Variants in SSX2IP observed in about 807,000 individuals in gnomAD.
The protein encoded by SSX2IP is afadin- and alpha-actinin-binding protein.
In SSX2IP, 55 loss-of-function variants were observed where a neutral mutation model predicts 84.9. The ratio of observed to expected loss-of-function variants is 0.65; its 90% confidence interval spans 0.52 to 0.81. The LOEUF (loss-of-function observed/expected upper bound fraction) is 0.81, where lower values mean the gene tolerates loss of function less well. Ranked by LOEUF, SSX2IP falls within the 30% of genes least tolerant of loss-of-function variation. The pLI, the probability that SSX2IP is intolerant of heterozygous loss-of-function variation, is 0.00. For missense variants in SSX2IP, 664 were observed against 705.2 expected, an observed-to-expected ratio of 0.94 and a Z score of 0.66; for synonymous variants, 239 against 234.7, an observed-to-expected ratio of 1.02 and a Z score of -0.17.
At chr1:84,682,310 G>T (rs1232767610) in intron 1 of SSX2IP, among the ~76,000 whole-genome samples, 2 of 152,026 alleles carry the variant, frequency 1.3e-5, no homozygotes, top group African/African-American at 4.8e-5. Context: ...CAGAGGCCAT[G>T]GTTCTCAGCA....
At chr1:84,670,840 T>G in intron 2 of SSX2IP, 25 bp from the exon 3 acceptor site, 1 of 1,550,072 alleles carries the variant, frequency 6.5e-7, no homozygotes, top group Non-Finnish European at 8.7e-7. Context: ...GGCATCTATA[T>G]AAATAATTTA....
At chr1:84,655,360 G>A in intron 11 of SSX2IP, 1 of 1,129,236 alleles carries the variant, frequency 8.9e-7, no homozygotes, top group Non-Finnish European at 1.1e-6. Context: ...TTTGAAGGGG[G>A]AATATGTAGA....
chr1:84,676,473 G>A (rs1654347361), intron 1 of SSX2IP, among the ~76,000 whole-genome samples: 1 of 152,008 alleles, frequency 6.6e-6, no homozygotes, highest in Non-Finnish European at 1.5e-5. Flanking sequence ...TGTCACTATG[G>A]GTTGCAAAGT....
At position 84,658,307 on chromosome 1, in the gene SSX2IP, G is replaced by C; in HGVS notation, c.1078+11C>G. On this transcript the variant is annotated intron_variant, in intron 9 of 13. Transcript: ENST00000342203. ...CACAACTCACTTTACATGCATAGAA[G>C]CAGTGGTTACCTTGGTTATCAAGCT... 6.2e-7 allele frequency: 1 copy of C among 1,613,782 alleles called. No homozygotes were observed. Among genetic ancestry groups the C allele is most frequent in the Non-Finnish European group, 8.5e-7 (1 of 1,179,868 alleles).
intron 10 of SSX2IP, 145 bp downstream of exon 10, chr1:84,656,203 C>A (rs917346541): frequency 2.1e-6 from 2 of 933,444 alleles, no homozygotes; most frequent in Admixed American, 2.8e-5. Context: ...AGGAGTGGTA[C>A]ACAATGTATC....
In SSX2IP at chr1:84,671,282, G is replaced by A; in HGVS notation, c.-63C>T. On this transcript the variant is annotated 5_prime_UTR_variant, in exon 2 of 14. Coordinates refer to ENST00000342203, the MANE Select transcript of SSX2IP (RefSeq NM_001166293.2). ...CAGCAGTTAAACATTTAGTCTAGCT[G>A]CTGTCACTCTTCTATGTAGGCATCT... 1 of 1,592,086 alleles carries A rather than the reference G, an allele frequency of 6.3e-7. No individual in the cohort carries two copies. The highest frequency in any genetic ancestry group is 8.5e-7 in the Non-Finnish European group (1 of 1,170,812).
chr1:84,668,794 G>A (rs1020485328), intron 4 of SSX2IP, among the ~76,000 whole-genome samples: 1 of 151,928 alleles, frequency 6.6e-6, no homozygotes, highest in African/African-American at 2.4e-5. Context: ...GGTGGGGGAG[G>A]ATGTACACAA....
intron 8 of SSX2IP, among the ~76,000 whole-genome samples, chr1:84,660,194 T>C (rs1651733212): frequency 6.6e-6 from 1 of 152,076 alleles, no homozygotes; most frequent in Admixed American, 6.5e-5. Flanking sequence ...GCTAGAAAAA[T>C]GGATCTTTTA....
intron 1 of SSX2IP, among the ~76,000 whole-genome samples, chr1:84,680,843 C>T (rs1333103272): frequency 6.6e-6 from 1 of 152,032 alleles, no homozygotes; most frequent in Non-Finnish European, 1.5e-5. Flanking sequence ...TTTATTGTGT[C>T]TTCCAAATTT....
intron 11 of SSX2IP, chr1:84,655,541 A>AC: frequency 7.3e-7 from 1 of 1,365,498 alleles, no homozygotes; most frequent in Non-Finnish European, 9.6e-7. Flanking sequence ...AATGATGGAT[A>AC]CCCAAAAGAG....
intron 11 of SSX2IP, 38 bp downstream of exon 11, chr1:84,655,794 C>T (rs1216861912): frequency 1.3e-6 from 2 of 1,598,282 alleles, no homozygotes; most frequent in African/African-American, 2.7e-5. Flanking sequence ...CCCACCCACC[C>T]CCAGTATTTT....
Position 84,656,498 on chromosome 1 carries a change from A to T in SSX2IP, c.1079-14T>A. 6.2e-7 allele frequency: 1 copy of T among 1,608,858 alleles called. No homozygotes were observed. Among genetic ancestry groups the T allele is most frequent in the Non-Finnish European group, 8.5e-7 (1 of 1,177,968 alleles). On this transcript the variant is annotated splice_polypyrimidine_tract_variant and intron_variant, in intron 9 of 13. Coordinates refer to ENST00000342203, the MANE Select transcript of SSX2IP (RefSeq NM_001166293.2). Reference sequence around the variant, plus strand: ...GTACCTTTGAAACTAAGACAAAATCAGTAAGTTGACATAGGTCTTATAGCC... The same window carrying T: ...GTACCTTTGAAACTAAGACAAAATCTGTAAGTTGACATAGGTCTTATAGCC...
chr1:84,645,820 AAAG>A lies in SSX2IP; in HGVS notation c.*1610_*1612del, dbSNP rs1649403328. On this transcript the variant is annotated 3_prime_UTR_variant, in exon 14 of 14. Coordinates refer to ENST00000342203, the MANE Select transcript of SSX2IP (RefSeq NM_001166293.2). Reference sequence around the variant, plus strand: ...TACAATGTGTAGTATTTTAAATAGTAAAGAAGTGACCATGCATCAAGCTGAAGG... The same window carrying A: ...TACAATGTGTAGTATTTTAAATAGTAAAGTGACCATGCATCAAGCTGAAGG... 2.0e-5 allele frequency: 3 copies of A among 152,198 alleles called. No individual in the cohort carries two copies. Among genetic ancestry groups the A allele is most frequent in the Non-Finnish European group, 2.9e-5 (2 of 68,032 alleles). 9.4% of individuals were successfully genotyped at this position (152,198 alleles called of 1,614,324 possible). A position where few individuals can be genotyped will look rare whatever the true frequency, so the allele number is the denominator to read the frequency against.
intron 9 of SSX2IP, among the ~76,000 whole-genome samples, chr1:84,657,230 T>C (rs1651248973): frequency 1.3e-5 from 2 of 152,100 alleles, no homozygotes; most frequent in South Asian, 4.1e-4. Flanking sequence ...TAGAGCTATG[T>C]ATAAGGATAA....
intron 12 of SSX2IP, among the ~76,000 whole-genome samples, chr1:84,650,845 C>CA: frequency 6.6e-6 from 1 of 152,156 alleles, no homozygotes; most frequent in Admixed American, 6.5e-5. Context: ...GCTGGGACTA[C>CA]AGGGGCCCGC....
chr1:84,688,473 T>C (rs888649707), intron 1 of SSX2IP, among the ~76,000 whole-genome samples: 2 of 152,126 alleles, frequency 1.3e-5, no homozygotes, highest in African/African-American at 4.8e-5. Context: ...AATCACACAA[T>C]TTGGGGGCGG....
chr1:84,650,099 A>G (rs936080018), intron 13 of SSX2IP: 2 of 619,336 alleles, frequency 3.2e-6, no homozygotes, highest in African/African-American at 1.8e-5. Flanking sequence ...ATTGTATCTT[A>G]AATGTGAAAT....
chr1:84,663,569 C>T (rs1312688049), intron 6 of SSX2IP, among the ~76,000 whole-genome samples: 6 of 152,218 alleles, frequency 3.9e-5, no homozygotes, highest in Non-Finnish European at 8.8e-5. Flanking sequence ...AACAGCTCTG[C>T]TGCAGAATGA....
intron 12 of SSX2IP, among the ~76,000 whole-genome samples, chr1:84,650,855 C>A (rs1650134351): frequency 6.6e-6 from 1 of 152,068 alleles, no homozygotes; most frequent in Non-Finnish European, 1.5e-5. Context: ...CAGGGGCCCG[C>A]CACCATGCCT....
Sources: gnomAD v4.1 joint callset for allele counts (sites outside exome capture counted in the v4.1 genomes callset) on GRCh38, gnomAD v4.1.1 for gene constraint, MANE v1.5 for transcripts, NCBI Gene and HGNC (gene_info 2026-07-23, HGNC 2026-07-21) for gene names.